TDRD9: variants seen among roughly 807,000 people sequenced by gnomAD.
The protein encoded by TDRD9 is ATP-dependent RNA helicase TDRD9.
TDRD9 carries 124 observed loss-of-function variants against 172.6 expected under a neutral mutation model. The ratio of observed to expected loss-of-function variants is 0.72; its 90% confidence interval spans 0.62 to 0.83. TDRD9 has a LOEUF of 0.83. TDRD9 is among the 40% of genes least tolerant of loss of function. TDRD9 has a pLI of 0.00. For synonymous variants in TDRD9, 619 were observed against 617.1 expected (o/e 1.00, Z -0.05); for missense variants, 1,479 against 1,714.1 (o/e 0.86, Z 2.42).
rs1596016269 is a variant in TDRD9, at chr14:104,034,965, A to G, written c.3625A>G (p.Thr1209Ala). ...ASLSINATGS[T>A]MLLRETSLMP... The stretch of plus-strand genomic sequence containing the variant: ...ATTTAGCATGACTTGAACAGGATCT[A>G]CGATGCTGCTGAGAGAAACCTCTCT... The change falls in exon 32 of 36, where the codon ACG becomes GCG. Residue 1209 changes from threonine to alanine, a missense_variant. Around this residue, in one of 3 missense-constraint regions of TDRD9, gnomAD observed 1,413 missense variants for 1,649.1 expected, o/e 0.86. Coordinates refer to ENST00000409874, the MANE Select transcript of TDRD9 (RefSeq NM_153046.3). 3 of 1,551,388 alleles carry G rather than the reference A, an allele frequency of 1.9e-6. No homozygotes were observed. Among genetic ancestry groups the G allele is most frequent in the East Asian group, 2.4e-5 (1 of 40,904 alleles).
In TDRD9 at chr14:104,006,818, C is replaced by G. The variant is rs201148998; in HGVS notation, c.1980C>G (p.Asp660Glu). ...ATTTCTCTGGCAGTAGCAAGAGTGA[C>G]TGTATTGCACTTGTTGAGGCATTTA... ...KVNFSGSSKS[D>E]CIALVEAFKT... Residue 660 changes from aspartate (D) to glutamate (E), a missense_variant, in exon 18 of 36, where the codon GAC (aspartate) becomes GAG (glutamate). This residue lies in a region of TDRD9 where 1,413 missense variants were observed against 1,649.1 expected (regional missense o/e 0.86). Coordinates refer to ENST00000409874, the MANE Select transcript of TDRD9 (RefSeq NM_153046.3). 3 of 1,613,136 alleles carry G rather than the reference C, an allele frequency of 1.9e-6. No homozygotes were observed. The highest frequency in any genetic ancestry group is 2.5e-6 in the Non-Finnish European group (3 of 1,179,538).
intron 30 of TDRD9, among the ~76,000 whole-genome samples, chr14:104,033,320 C>T (rs991008644): frequency 6.6e-6 from 1 of 152,158 alleles, no homozygotes; most frequent in Non-Finnish European, 1.5e-5. Context: ...CAGTGTGAAG[C>T]CGGCATTGGA....
At chr14:104,043,016 A>G (rs1350871969) in intron 34 of TDRD9, among the ~76,000 whole-genome samples, 3 of 151,806 alleles carry the variant, frequency 2.0e-5, no homozygotes, top group Non-Finnish European at 4.4e-5. Flanking sequence ...ATATAAAAAT[A>G]TTTTTAATAT....
intron 13 of TDRD9, among the ~76,000 whole-genome samples, chr14:104,001,734 G>A (rs1449796208): frequency 2.0e-5 from 3 of 152,012 alleles, no homozygotes; most frequent in South Asian, 4.2e-4. Context: ...TCAGCCTCCC[G>A]AGTAGCTGGG....
At chr14:103,991,913 A>G (rs2033884857) in intron 9 of TDRD9, among the ~76,000 whole-genome samples, 1 of 152,130 alleles carries the variant, frequency 6.6e-6, no homozygotes, top group Non-Finnish European at 1.5e-5. Context: ...ACGCGCCACC[A>G]TGCTTGTCTA....
chr14:103,940,247 T>C (rs532717145), intron 1 of TDRD9, among the ~76,000 whole-genome samples: 1 of 152,276 alleles, frequency 6.6e-6, no homozygotes, highest in East Asian at 1.9e-4. Flanking sequence ...CACGTTCCCT[T>C]AATGTTGAGC....
At chr14:103,966,449 A>C (rs1020851727) in intron 4 of TDRD9, among the ~76,000 whole-genome samples, 2 of 152,222 alleles carry the variant, frequency 1.3e-5, no homozygotes, top group African/African-American at 4.8e-5. Flanking sequence ...TTATATCTGT[A>C]ATCTAGAAGA....
At chr14:103,947,977 T>C (rs1422333606) in intron 1 of TDRD9, among the ~76,000 whole-genome samples, 1 of 152,138 alleles carries the variant, frequency 6.6e-6, no homozygotes, top group Non-Finnish European at 1.5e-5. Flanking sequence ...ATACATAGAA[T>C]GTATAGAGAT....
intron 23 of TDRD9, among the ~76,000 whole-genome samples, chr14:104,019,245 G>T (rs2034880539): frequency 6.6e-6 from 1 of 152,192 alleles, no homozygotes; most frequent in Non-Finnish European, 1.5e-5. Context: ...GATTTGAGTG[G>T]TCAGAAGGCT....
intron 3 of TDRD9, among the ~76,000 whole-genome samples, chr14:103,964,210 T>C (rs1357723856): frequency 6.6e-6 from 1 of 151,890 alleles, no homozygotes; most frequent in Non-Finnish European, 1.5e-5. Flanking sequence ...GCCACTGCAC[T>C]CCAGCCTGGG....
intron 23 of TDRD9, 72 bp downstream of exon 23, chr14:104,018,264 T>G (rs1259551868): frequency 1.0e-6 from 1 of 998,408 alleles, no homozygotes; most frequent in Non-Finnish European, 1.5e-6. Context: ...AGACGCTGAT[T>G]GTTAAAACGG....
intron 1 of TDRD9, among the ~76,000 whole-genome samples, chr14:103,929,576 G>T (rs1181027017): frequency 1.3e-5 from 2 of 151,552 alleles, no homozygotes; most frequent in Non-Finnish European, 2.9e-5. Flanking sequence ...CTGGAGTGGA[G>T]TGGCGCCATC....
intron 34 of TDRD9, among the ~76,000 whole-genome samples, chr14:104,046,443 A>G (rs143946767): frequency 6.6e-6 from 1 of 152,132 alleles, no homozygotes. Flanking sequence ...GCATATGAAC[A>G]TCTAGTGGTG....
chr14:104,044,798 T>A (rs1566806182), intron 34 of TDRD9, among the ~76,000 whole-genome samples: 1 of 152,034 alleles, frequency 6.6e-6, no homozygotes, highest in Non-Finnish European at 1.5e-5. Context: ...CGGGAAGATA[T>A]CTATGAGTGG....
At chr14:103,971,334 T>C (rs1469500073) in intron 6 of TDRD9, among the ~76,000 whole-genome samples, 1 of 151,722 alleles carries the variant, frequency 6.6e-6, no homozygotes, top group Non-Finnish European at 1.5e-5. Context: ...AGATGGAGTC[T>C]CACTCTGTTG....
chr14:103,957,917 T>G (rs544492940), intron 2 of TDRD9, among the ~76,000 whole-genome samples: 53 of 152,272 alleles, frequency 3.5e-4, no homozygotes, highest in Non-Finnish European at 6.0e-4. Context: ...TATGTGAAAC[T>G]CTCTTTGCTT....
chr14:104,025,226 C>G (rs2035078778), intron 25 of TDRD9, among the ~76,000 whole-genome samples: 1 of 152,196 alleles, frequency 6.6e-6, no homozygotes. Flanking sequence ...TAGTGATCTG[C>G]CCACCTCTGC....
rs2140944933 is a variant in TDRD9 at position 104,050,950 on chromosome 14, T to C, written c.4048-1031T>C. On this transcript the variant is annotated intron_variant, in intron 35 of 35. Transcript: ENST00000409874. ...TTCTCAGTAAAGCTTGCCATAGTAT[T>C]AATCATGAATTTATTTATTTGCAGC... Among the ~76,000 whole-genome samples the C allele has an allele frequency of 1.3e-5, 2 of 152,362 alleles. 1 individual carries two copies. Among genetic ancestry groups the C allele is most frequent in the South Asian group, 4.1e-4 (2 of 4,828 alleles).
At chr14:104,023,360 G>C (rs2035022992) in intron 24 of TDRD9, among the ~76,000 whole-genome samples, 1 of 152,146 alleles carries the variant, frequency 6.6e-6, no homozygotes, top group Non-Finnish European at 1.5e-5. Context: ...CTCTTTTTAA[G>C]TAATGTGGAA....
Sources: allele counts gnomAD v4.1 joint callset (sites outside exome capture counted in the v4.1 genomes callset), GRCh38; gene constraint gnomAD v4.1.1; regional missense constraint gnomAD v4.1.1; transcripts MANE v1.5; gene names NCBI Gene and HGNC (gene_info 2026-07-23, HGNC 2026-07-21).